The following GNAS variants were observed in gnomAD, a reference collection of about 807,000 sequenced individuals.
GNAS encodes GNAS complex locus, also known as protein ALEX.
GNAS carries 8 observed loss-of-function variants against 54.5 expected under a neutral mutation model. The ratio of observed to expected loss-of-function variants is 0.15; its 90% CI spans 0.09 to 0.26. The LOEUF is 0.26. GNAS is among the 10% of genes least tolerant of loss of function. The probability of loss-of-function intolerance (pLI) is 1.00; values close to 1 mark genes in which losing one functional copy is unlikely to be tolerated. For missense variants in GNAS, 170 were observed against 529.8 expected, an observed-to-expected ratio of 0.32 and a Z score of 6.67; for synonymous variants, 204 against 191.4, an observed-to-expected ratio of 1.07 and a Z score of -0.54.
At chr20:58,902,725 CTTTTTTTTTTTTTTTT>C (rs60022134) in intron 3 of GNAS, among the ~76,000 whole-genome samples, 8 of 69,488 alleles carry the variant, frequency 1.2e-4, no homozygotes, top group South Asian at 7.2e-4. Context: ...GCACATACGA[CTTTTTTTTTTTTTTTT>C]TTTTTTTTTT....
chr20:58,840,558 A>T (rs2085678573), upstream of GNAS: 3 of 1,613,062 alleles, frequency 1.9e-6, no homozygotes, highest in East Asian at 6.7e-5. This position sits in a 1 kb window ranked among gnomAD's most constrained non-coding sequence, Gnocchi z 6.0. Flanking sequence ...GTGGTGCCCA[A>T]GCACTCCACC....
At chr20:58,854,825 C>A in intron 1 of GNAS, 1 of 1,592,724 alleles carries the variant, frequency 6.3e-7, no homozygotes, top group Non-Finnish European at 8.5e-7. Context: ...CCCCTGCCTC[C>A]GGGGCCAGAC....
intron 1 of GNAS, chr20:58,854,136 C>A: frequency 4.3e-6 from 7 of 1,612,498 alleles, no homozygotes; most frequent in Non-Finnish European, 5.9e-6. Flanking sequence ...GGCTGTCAGA[C>A]CTCCTTCTAA....
At chr20:58,846,412 TTAACATCAC>T (rs1410738119) in intron 1 of GNAS, among the ~76,000 whole-genome samples, 1 of 152,172 alleles carries the variant, frequency 6.6e-6, no homozygotes, top group African/African-American at 2.4e-5. Flanking sequence ...TTCGACACCA[TTAACATCAC>T]TGTCCCCCTG....
intron 1 of GNAS, among the ~76,000 whole-genome samples, chr20:58,862,267 C>A (rs1330826152): frequency 1.3e-5 from 2 of 152,062 alleles, no homozygotes; most frequent in African/African-American, 4.8e-5. Flanking sequence ...AAGTGATTCT[C>A]CTGTCTCAGC....
At chr20:58,889,439 G>A, upstream of GNAS, 1 of 839,140 alleles carries the variant, frequency 1.2e-6, no homozygotes, top group Non-Finnish European at 1.4e-6. Flanking sequence ...CAAGGCAGGG[G>A]CGCCCGGGCG....
At chr20:58,868,284 G>A (rs1003959255) in intron 1 of GNAS, among the ~76,000 whole-genome samples, 21 of 152,102 alleles carry the variant, frequency 1.4e-4, no homozygotes, top group African/African-American at 3.9e-4. Context: ...CTCCCAAAGT[G>A]CTGGGATTAC....
intron 1 of GNAS, among the ~76,000 whole-genome samples, chr20:58,844,459 C>A (rs2085864148): frequency 6.6e-6 from 1 of 152,178 alleles, no homozygotes; most frequent in Admixed American, 6.5e-5. Flanking sequence ...CTTGATGTCC[C>A]AAACTGGAGC....
intron 6 of GNAS, among the ~76,000 whole-genome samples, chr20:58,907,764 G>A (rs760680837): frequency 4.8e-4 from 73 of 152,242 alleles, no homozygotes; most frequent in Non-Finnish European, 9.1e-4. Flanking sequence ...CTTTTAAAAT[G>A]TCCTCCCTCA....
upstream of GNAS, among the ~76,000 whole-genome samples, chr20:58,890,308 T>TCGGGGGCGCCGAGGAGGGCGCCGC (rs1482017250): frequency 6.8e-6 from 1 of 146,774 alleles, no homozygotes; most frequent in African/African-American, 2.5e-5. Context: ...GAGGGCGCCG[T>TCGGGGGCGCCGAGGAGGGCGCCGC]CGGGGGCGCC....
chr20:58,903,634 A>G (rs2090840060), intron 4 of GNAS, 38 bp from the exon 5 acceptor site: 1 of 1,614,086 alleles, frequency 6.2e-7, no homozygotes, highest in East Asian at 2.2e-5. Context: ...CCTCCCAGCC[A>G]GTGCTGTTCC....
chr20:58,854,520 G>C (rs981765080), intron 1 of GNAS: 1 of 1,584,258 alleles, frequency 6.3e-7, no homozygotes, highest in Admixed American at 1.7e-5. Context: ...AGCACCAGCC[G>C]ATCCTGACTC....
chr20:58,872,756 C>T (rs1159791732), intron 1 of GNAS, among the ~76,000 whole-genome samples: 1 of 151,834 alleles, frequency 6.6e-6, no homozygotes, highest in East Asian at 1.9e-4. Context: ...GGGTGGGGGG[C>T]AGAGAGAGAA....
At chr20:58,874,598 A>G (rs1206907973) in intron 1 of GNAS, among the ~76,000 whole-genome samples, 1 of 152,022 alleles carries the variant, frequency 6.6e-6, no homozygotes, top group African/African-American at 2.4e-5. Context: ...CTTACATCTT[A>G]GCTCCTGGCC....
chr20:58,892,231 G>C (rs2089492226), intron 1 of GNAS: 2 of 961,962 alleles, frequency 2.1e-6, no homozygotes, highest in Non-Finnish European at 2.5e-6. Flanking sequence ...GGAGGGGGAG[G>C]GGGAGCCCAT....
Position 58,891,524 on chromosome 20 carries a change from C to A in GNAS, c.-203C>A. On this transcript the variant is annotated 5_prime_UTR_variant, in exon 1 of 13. Transcript: ENST00000371085. ...CGGGGAGCTGCGCGCGCCCCTCGGT[C>A]CGACCGACACCCTCCCCTTCCCGCC... 1 of 976,122 alleles carries A rather than the reference C, an allele frequency of 1.0e-6. No individual in the cohort carries two copies. The highest frequency in any genetic ancestry group is 4.6e-5 in the South Asian group (1 of 21,682). The allele number at this position is 976,122 out of a possible 1,614,324, so 60.5% of individuals were successfully genotyped here.
chr20:58,840,853 G>A lies in GNAS; in HGVS notation c.10G>A (p.Ala4Thr). The A allele has an allele frequency of 1.2e-6, 2 of 1,612,760 alleles. No homozygotes were observed. Among genetic ancestry groups the A allele is most frequent in the Non-Finnish European group, 1.7e-6 (2 of 1,179,886 alleles). ...CCATCCGGCGTCACTAATGGAGGAC[G>A]CCGTCCAGATTCTCCTTGTTTTCAT... is the stretch of plus-strand genomic sequence containing the variant. Residue 4 changes from alanine to threonine, a missense_variant, in exon 1 of 13, where the codon GCC (alanine) becomes ACC (threonine). Physicochemically the swap from Ala to Thr is moderately conservative, Grantham distance 58. Transcript: ENST00000306090. The surrounding 1 kb of genome is among the most constrained non-coding windows in gnomAD (Gnocchi z 6.0).
intron 1 of GNAS, chr20:58,855,155 C>G (rs752735114): frequency 6.2e-7 from 1 of 1,612,498 alleles, no homozygotes; most frequent in East Asian, 2.2e-5. Flanking sequence ...AGCCCAAAGC[C>G]TCGCGCTCTC....
intron 3 of GNAS, among the ~76,000 whole-genome samples, chr20:58,899,662 C>T (rs1188172300): frequency 1.5e-5 from 2 of 132,148 alleles, no homozygotes; most frequent in African/African-American, 2.5e-5. Context: ...CACACACACA[C>T]ACGCACACAC....
Sources: allele counts gnomAD v4.1 joint callset (sites outside exome capture counted in the v4.1 genomes callset), GRCh38; gene constraint gnomAD v4.1.1; non-coding constraint Gnocchi (gnomAD v3.1); transcripts MANE v1.5; gene names NCBI Gene and HGNC (gene_info 2026-07-23, HGNC 2026-07-21).